Variants in GRM5 observed in about 807,000 individuals in gnomAD.
The protein encoded by GRM5 is glutamate metabotropic receptor 5, also known as metabotropic glutamate receptor 5.
GRM5 carries 19 observed loss-of-function variants against 83.1 expected under a neutral mutation model. The ratio of observed to expected loss-of-function variants is 0.23; its 90% CI spans 0.16 to 0.34. The LOEUF (loss-of-function observed/expected upper bound fraction) is 0.34. GRM5 is among the 10% of genes least tolerant of loss of function. GRM5 has a pLI of 1.00. For missense variants in GRM5, 1,160 were observed against 1,588.3 expected (o/e 0.73, Z 4.58); for synonymous variants, 675 against 633.6 (o/e 1.07, Z -0.98).
In GRM5 at chr11:89,047,141, C is replaced by T; in HGVS notation, c.661+71G>A. ...CCAAAATAATTAGGAATAGTTTACT[C>T]TTCCCAAACCTGAAATTGTAACTGT... On this transcript the variant is annotated intron_variant, in intron 2 of 9. Coordinates refer to ENST00000305447, the MANE Select transcript of GRM5 (RefSeq NM_001143831.3). This position sits in a 1 kb window ranked among gnomAD's most constrained non-coding sequence, Gnocchi z 5.1. 3 of 1,214,388 alleles carry T rather than the reference C, an allele frequency of 2.5e-6. No homozygotes were observed. Among genetic ancestry groups the T allele is most frequent in the Non-Finnish European group, 2.3e-6 (2 of 854,628 alleles). 75.2% of individuals were successfully genotyped at this position (1,214,388 alleles called of 1,614,324 possible).
chr11:88,679,147 A>G (rs1940412130), intron 3 of GRM5, among the ~76,000 whole-genome samples: 1 of 152,210 alleles, frequency 6.6e-6, no homozygotes. Flanking sequence ...AAAGTGGAAG[A>G]TGCAATTGCA....
rs796257304 is a variant in GRM5 at position 88,574,985 on chromosome 11, C to CTTTTTTTTTT, written c.1691-7003_1691-6994dup. 6.7e-4 allele frequency among the ~76,000 whole-genome samples: 78 copies of CTTTTTTTTTT among 116,122 alleles called. 1 individual carries two copies. The highest frequency in any genetic ancestry group is 2.4e-3 in the African/African-American group (73 of 30,910). The allele number at this position is 116,122 out of a possible 152,430, so 76.2% of individuals were successfully genotyped here. On this transcript the variant is annotated intron_variant, in intron 7 of 9. Transcript: ENST00000305447. The stretch of plus-strand genomic sequence containing the variant: ...GGCTGTTAATTGTAACTTTTCTTTT[C>CTTTTTTTTTT]TTTTTTTTTTTTTTTTACTTTAGCA...
At chr11:88,883,308 C>T (rs1217406644) in intron 2 of GRM5, among the ~76,000 whole-genome samples, 5 of 152,150 alleles carry the variant, frequency 3.3e-5, no homozygotes, top group Admixed American at 2.0e-4. Flanking sequence ...AAATGCTGAT[C>T]ATGATATGGA....
At chr11:88,892,487 T>C (rs1018086362) in intron 2 of GRM5, among the ~76,000 whole-genome samples, 3 of 151,920 alleles carry the variant, frequency 2.0e-5, no homozygotes, top group Admixed American at 1.3e-4. Flanking sequence ...TGGAACAGAG[T>C]TCCATCAAAG....
At chr11:88,544,278 T>C (rs2135136843) in intron 8 of GRM5, among the ~76,000 whole-genome samples, 1 of 152,352 alleles carries the variant, frequency 6.6e-6, no homozygotes, top group South Asian at 2.1e-4. Context: ...AAATGGTACC[T>C]GTTTATTATG....
At chr11:88,686,911 C>T (rs911806757) in intron 3 of GRM5, among the ~76,000 whole-genome samples, 1 of 152,090 alleles carries the variant, frequency 6.6e-6, no homozygotes, top group Non-Finnish European at 1.5e-5. Context: ...GATTTTGCCT[C>T]CTATTACAGT....
rs1344140294 is a variant in GRM5 at position 89,026,410 on chromosome 11, T to C, written c.661+20802A>G. Among the ~76,000 whole-genome samples, 4 of 152,088 alleles carry C rather than the reference T, an allele frequency of 2.6e-5. No homozygotes were observed. In the South Asian group the frequency reaches 6.2e-4, roughly 24 times the overall value. ...CCATGAGTAGAATTGAGGGTCAGGG[T>C]TTCATATAGACACTTTATACTTCTT... On this transcript the variant is annotated intron_variant, in intron 2 of 9. Transcript: ENST00000305447.
At chr11:88,833,076 T>G (rs571655099) in intron 3 of GRM5, among the ~76,000 whole-genome samples, 2 of 152,060 alleles carry the variant, frequency 1.3e-5, no homozygotes, top group African/African-American at 2.4e-5. Context: ...AGCTAAGACC[T>G]AAAAAACACA....
rs183522060 is a variant in GRM5 at position 88,738,286 on chromosome 11, A to C, written c.912-84883T>G. On this transcript the variant is annotated intron_variant, in intron 3 of 9. Transcript: ENST00000305447. ...TGTGCAATAAATAAATATTTAATAA[A>C]TGTTGTGGGAAAATCAATGATCAGA... 3.5e-4 allele frequency among the ~76,000 whole-genome samples: 54 copies of C among 152,196 alleles called. No homozygotes were observed. In the East Asian group the frequency reaches 7.4e-3, roughly 21 times the overall value.
intron 2 of GRM5, among the ~76,000 whole-genome samples, chr11:88,928,396 G>A (rs1447207008): frequency 6.6e-6 from 1 of 151,838 alleles, no homozygotes; most frequent in African/African-American, 2.4e-5. Flanking sequence ...TTGTGGGTCT[G>A]TGAATCCATA....
intron 2 of GRM5, among the ~76,000 whole-genome samples, chr11:88,912,463 C>A (rs1945515799): frequency 7.2e-6 from 1 of 138,798 alleles, no homozygotes; most frequent in African/African-American, 2.8e-5. Flanking sequence ...GATTTGCTCT[C>A]TCTTTCTCTG....
intron 8 of GRM5, among the ~76,000 whole-genome samples, chr11:88,527,623 A>T (rs1319745850): frequency 6.6e-6 from 1 of 152,180 alleles, no homozygotes; most frequent in Non-Finnish European, 1.5e-5. Context: ...TCTCTCTATC[A>T]TAAAAACACA....
At chr11:88,964,985 A>C (rs1938904747) in intron 2 of GRM5, among the ~76,000 whole-genome samples, 1 of 152,184 alleles carries the variant, frequency 6.6e-6, no homozygotes, top group African/African-American at 2.4e-5. Flanking sequence ...ACAATAAAAC[A>C]ACATATTGAA....
chr11:88,759,490 A>G (rs1056416313), intron 3 of GRM5, among the ~76,000 whole-genome samples: 1 of 152,214 alleles, frequency 6.6e-6, no homozygotes, highest in African/African-American at 2.4e-5. Context: ...AGGGAATTAC[A>G]TAATGGTAAA....
chr11:88,647,419 G>A (rs1410526016), intron 4 of GRM5, among the ~76,000 whole-genome samples: 1 of 151,962 alleles, frequency 6.6e-6, no homozygotes, highest in African/African-American at 2.4e-5. Context: ...ATAAATTCCA[G>A]GAGCCCCAAA....
intron 7 of GRM5, 112 bp from the exon 8 acceptor site, chr11:88,568,104 C>T (rs1254660382): frequency 7.8e-6 from 5 of 644,852 alleles, no homozygotes; most frequent in East Asian, 2.7e-5. Context: ...CCCCATCTAC[C>T]TTTCTAATTT....
chr11:88,975,525 C>A (rs937927747), intron 2 of GRM5, among the ~76,000 whole-genome samples: 1 of 152,102 alleles, frequency 6.6e-6, no homozygotes, highest in African/African-American at 2.4e-5. Context: ...CTAGGACCAC[C>A]CTTCATTATA....
At chr11:88,790,764 G>T (rs929802760) in intron 3 of GRM5, among the ~76,000 whole-genome samples, 1 of 152,148 alleles carries the variant, frequency 6.6e-6, no homozygotes, top group Non-Finnish European at 1.5e-5. Flanking sequence ...ACGATATACT[G>T]TAGTTTGGAA....
chr11:88,871,620 A>G (rs1455481880), intron 2 of GRM5, among the ~76,000 whole-genome samples: 1 of 151,508 alleles, frequency 6.6e-6, no homozygotes, highest in Non-Finnish European at 1.5e-5. Context: ...TGCAAATTCT[A>G]GTATATGGAA....
Sources: allele counts gnomAD v4.1 joint callset (sites outside exome capture counted in the v4.1 genomes callset), GRCh38; gene constraint gnomAD v4.1.1; non-coding constraint Gnocchi (gnomAD v3.1); transcripts MANE v1.5; gene names NCBI Gene and HGNC (gene_info 2026-07-23, HGNC 2026-07-21).